Variants in PLPP3 observed in about 807,000 individuals in gnomAD.
PLPP3 encodes the protein PAP2 beta.
In PLPP3, 6 loss-of-function variants were observed where a neutral mutation model predicts 29.6. The ratio of observed to expected loss-of-function variants is 0.20; its 90% CI spans 0.11 to 0.40. PLPP3 has a LOEUF of 0.40. PLPP3 is among the 10% of genes least tolerant of loss of function. The pLI, the probability that PLPP3 is intolerant of heterozygous loss-of-function variation, is 1.00. For synonymous variants in PLPP3, 152 were observed against 159.7 expected, an observed-to-expected ratio of 0.95 and a Z score of 0.36; for missense variants, 308 against 407.7, an observed-to-expected ratio of 0.76 and a Z score of 2.11.
chr1:56,508,851 A>T (rs1220861876), intron 5 of PLPP3, among the ~76,000 whole-genome samples: 1 of 152,046 alleles, frequency 6.6e-6, no homozygotes, highest in Middle Eastern at 3.2e-3. Context: ...AGATCTACCC[A>T]TCTCTCCTCA....
At chr1:56,557,199 G>T (rs922515177) in intron 1 of PLPP3, among the ~76,000 whole-genome samples, 2 of 151,372 alleles carry the variant, frequency 1.3e-5, no homozygotes, top group South Asian at 4.2e-4. Flanking sequence ...CCAACATGGT[G>T]AAACCCCATC....
chr1:56,564,939 T>C (rs1646151442), intron 1 of PLPP3, among the ~76,000 whole-genome samples: 1 of 150,226 alleles, frequency 6.7e-6, no homozygotes, highest in Admixed American at 6.6e-5. Context: ...GAAGTTCCTC[T>C]CTCTGATCAT....
At chr1:56,542,725 A>G (rs1645978582) in intron 1 of PLPP3, among the ~76,000 whole-genome samples, 1 of 152,216 alleles carries the variant, frequency 6.6e-6, no homozygotes, top group African/African-American at 2.4e-5. Context: ...GGCAGCTATT[A>G]GAACTCTGTG....
chr1:56,564,943 T>G (rs191933240), intron 1 of PLPP3, among the ~76,000 whole-genome samples: 2,079 of 150,736 alleles, frequency 0.014, 53 homozygotes, highest in African/African-American at 0.049. Context: ...TTCCTCTCTC[T>G]GATCATATGT....
At chr1:56,557,042 GAGAGAGAGAGAGAGAGAA>G (rs1646087109) in intron 1 of PLPP3, among the ~76,000 whole-genome samples, 10 of 32,014 alleles carry the variant, frequency 3.1e-4, no homozygotes, top group African/African-American at 7.9e-4. Flanking sequence ...GAGAGAGAGA[GAGAGAGAGAGAGAGAGAA>G]AGAAAGAAAG....
intron 2 of PLPP3, among the ~76,000 whole-genome samples, chr1:56,531,544 AGTCATCTGCCCAGT>A (rs1645888540): frequency 6.6e-6 from 1 of 152,246 alleles, no homozygotes; most frequent in Non-Finnish European, 1.5e-5. Flanking sequence ...AATCTTGGGC[AGTCATCTGCCCAGT>A]GGTCTAGATG....
At chr1:56,538,143 C>T (rs139258456) in intron 1 of PLPP3, among the ~76,000 whole-genome samples, 1 of 152,274 alleles carries the variant, frequency 6.6e-6, no homozygotes, top group Non-Finnish European at 1.5e-5. Flanking sequence ...CCCCATGACA[C>T]AGGGTGAAAT....
At chr1:56,544,304 A>G (rs1303702996) in intron 1 of PLPP3, among the ~76,000 whole-genome samples, 1 of 152,204 alleles carries the variant, frequency 6.6e-6, no homozygotes, top group East Asian at 1.9e-4. Flanking sequence ...CATGGTTCAT[A>G]TCTTTAATTG....
intron 5 of PLPP3, 49 bp from the exon 6 acceptor site, chr1:56,496,725 T>TA (rs1408303901): frequency 2.5e-6 from 4 of 1,605,406 alleles, no homozygotes; most frequent in Non-Finnish European, 2.6e-6. Flanking sequence ...ATCGGGGGTC[T>TA]GGGTACAGAG....
intron 5 of PLPP3, among the ~76,000 whole-genome samples, chr1:56,500,065 T>C (rs1645656942): frequency 6.6e-6 from 1 of 152,212 alleles, no homozygotes; most frequent in African/African-American, 2.4e-5. Context: ...TAAGTTACGA[T>C]GCGCAGAACA....
intron 1 of PLPP3, among the ~76,000 whole-genome samples, chr1:56,548,355 C>A (rs569337459): frequency 6.6e-6 from 1 of 152,328 alleles, no homozygotes; most frequent in African/African-American, 2.4e-5. Context: ...TCCCTTTGAC[C>A]TTCTGCCTAA....
chr1:56,508,862 A>T (rs56198059), intron 5 of PLPP3, among the ~76,000 whole-genome samples: 2 of 151,992 alleles, frequency 1.3e-5, no homozygotes, highest in African/African-American at 4.8e-5. Flanking sequence ...TCTCTCCTCA[A>T]TCCAGGGTCC....
At chr1:56,515,117 C>T (rs1557500070) in intron 4 of PLPP3, among the ~76,000 whole-genome samples, 1 of 152,150 alleles carries the variant, frequency 6.6e-6, no homozygotes. Context: ...AGGAAAACCT[C>T]CCTGAGCCTC....
chr1:56,560,631 C>T (rs1331529272), intron 1 of PLPP3, among the ~76,000 whole-genome samples: 1 of 152,148 alleles, frequency 6.6e-6, no homozygotes, highest in African/African-American at 2.4e-5. Flanking sequence ...GAGCACTCTG[C>T]CCTCATGACC....
intron 2 of PLPP3, among the ~76,000 whole-genome samples, chr1:56,532,007 C>T (rs967878444): frequency 1.3e-4 from 20 of 152,158 alleles, no homozygotes; most frequent in South Asian, 4.1e-4. Context: ...TCATCACCTC[C>T]GTATTGATAC....
At chr1:56,537,922 T>C (rs1470055686) in intron 1 of PLPP3, among the ~76,000 whole-genome samples, 1 of 152,180 alleles carries the variant, frequency 6.6e-6, no homozygotes, top group Non-Finnish European at 1.5e-5. Flanking sequence ...TCAAAGGTCA[T>C]GGCAAATGGA....
chr1:56,557,015 AGAGAGAG>A (rs1557513556), intron 1 of PLPP3, among the ~76,000 whole-genome samples: 13 of 13,602 alleles, frequency 9.6e-4, no homozygotes, highest in African/African-American at 2.0e-3. Context: ...AGAAAGAGAG[AGAGAGAG>A]AGAAAGAGAG....
At chr1:56,550,996 G>C (rs968351654) in intron 1 of PLPP3, among the ~76,000 whole-genome samples, 18 of 152,120 alleles carry the variant, frequency 1.2e-4, no homozygotes, top group Admixed American at 1.3e-4. Context: ...CTTGAGTGTG[G>C]CTTTGGGAAC....
At chr1:56,572,662 T>C (rs182079030) in intron 1 of PLPP3, among the ~76,000 whole-genome samples, 584 of 152,250 alleles carry the variant, frequency 3.8e-3, no homozygotes, top group Non-Finnish European at 7.0e-3. Flanking sequence ...TCTCAGAATC[T>C]TTTTCCTTAA....
Sources: allele counts gnomAD v4.1 joint callset (sites outside exome capture counted in the v4.1 genomes callset), GRCh38; gene constraint gnomAD v4.1.1; transcripts MANE v1.5; gene names NCBI Gene and HGNC (gene_info 2026-07-23, HGNC 2026-07-21).